NTNG1: variants seen among roughly 807,000 people sequenced by gnomAD.
The protein encoded by NTNG1 is netrin G1, also known as netrin-G1.
NTNG1 carries 16 observed loss-of-function variants against 54.0 expected under a neutral mutation model. The ratio of observed to expected loss-of-function variants is 0.30; its 90% confidence interval spans 0.20 to 0.45. The LOEUF (loss-of-function observed/expected upper bound fraction) is 0.45. NTNG1 is among the 20% of genes least tolerant of loss of function. NTNG1 has a pLI of 1.00. For synonymous variants in NTNG1, 255 were observed against 263.1 expected, an observed-to-expected ratio of 0.97 and a Z score of 0.30; for missense variants, 530 against 678.7, an observed-to-expected ratio of 0.78 and a Z score of 2.43.
chr1:107,359,334 A>G (rs534111709), intron 3 of NTNG1, among the ~76,000 whole-genome samples: 1 of 152,352 alleles, frequency 6.6e-6, no homozygotes, highest in South Asian at 2.1e-4. Flanking sequence ...GCAGAGAAAT[A>G]TAAATAGGAG....
At position 107,200,363 on chromosome 1, in the gene NTNG1, G is replaced by A. The variant is rs1450561839; in HGVS notation, c.246+51524G>A. ...ACAAAATAACATATTAGTGATACTT[G>A]GTAGCATATCAACTAATCATATGGT... On this transcript the variant is annotated intron_variant, in intron 2 of 7. Transcript: ENST00000370068. Among the ~76,000 whole-genome samples the A allele has an allele frequency of 2.6e-5, 4 of 151,718 alleles. No individual in the cohort carries two copies. In the East Asian group the frequency reaches 7.7e-4, roughly 29 times the overall value.
intron 7 of NTNG1, among the ~76,000 whole-genome samples, chr1:107,441,660 A>G (rs1368844818): frequency 6.6e-6 from 1 of 152,078 alleles, no homozygotes; most frequent in African/African-American, 2.4e-5. Context: ...TCACATCTAT[A>G]AAGTCTCTTT....
chr1:107,141,535 C>T (rs1157707569), intron 1 of NTNG1: 1 of 151,832 alleles, frequency 6.6e-6, no homozygotes, highest in East Asian at 1.9e-4. Context: ...GGTTTCCCCA[C>T]CCCCCGCCGC....
intron 1 of NTNG1, among the ~76,000 whole-genome samples, chr1:107,142,915 A>G (rs1261856443): frequency 6.6e-6 from 1 of 152,120 alleles, no homozygotes; most frequent in African/African-American, 2.4e-5. Context: ...CTCTTTGGCA[A>G]AGGAAAAGCA....
intron 2 of NTNG1, among the ~76,000 whole-genome samples, chr1:107,243,052 AGG>A (rs1661950388): frequency 6.6e-6 from 1 of 152,206 alleles, no homozygotes. Context: ...CAGAGCATCA[AGG>A]GGTTTGTTGA....
intron 2 of NTNG1, among the ~76,000 whole-genome samples, chr1:107,254,841 A>G (rs567655273): frequency 6.6e-6 from 1 of 152,320 alleles, no homozygotes; most frequent in East Asian, 1.9e-4. Context: ...GTGACTTTGA[A>G]TGCTTATGGC....
intron 7 of NTNG1, among the ~76,000 whole-genome samples, chr1:107,445,103 G>A (rs1317395677): frequency 2.0e-5 from 3 of 152,234 alleles, no homozygotes; most frequent in Non-Finnish European, 4.4e-5. Flanking sequence ...AGCCCCCAGC[G>A]GAACAGAATT....
rs150353082 is a variant in NTNG1 at position 107,148,626 on chromosome 1, C to T, written c.33C>T (p.Ala11=). MYLSRFLSIH[A]LWVTVSSVMQ... The stretch of plus-strand genomic sequence containing the variant: ...TGTCAAGATTCCTGTCGATTCATGC[C>T]CTTTGGGTTACGGTGTCCTCAGTGA... Residue 11 remains alanine (A), a synonymous_variant, in exon 2 of 8, where the codon GCC becomes GCT. Transcript: ENST00000370068. 6.2e-7 allele frequency: 1 copy of T among 1,613,068 alleles called. No homozygotes were observed. The highest frequency in any genetic ancestry group is 8.5e-7 in the Non-Finnish European group (1 of 1,179,216).
At chr1:107,461,173 C>A (rs1192387647) in intron 7 of NTNG1, among the ~76,000 whole-genome samples, 1 of 152,306 alleles carries the variant, frequency 6.6e-6, no homozygotes, top group African/African-American at 2.4e-5. Flanking sequence ...TCAAGGAGCT[C>A]ATACACTGGT....
intron 2 of NTNG1, among the ~76,000 whole-genome samples, chr1:107,258,929 A>T (rs1329997967): frequency 6.6e-6 from 1 of 152,226 alleles, no homozygotes; most frequent in African/African-American, 2.4e-5. Context: ...AAAAAGTAAG[A>T]TTAGAGAGAA....
At chr1:107,361,256 A>G (rs1171648340) in intron 3 of NTNG1, among the ~76,000 whole-genome samples, 1 of 113,126 alleles carries the variant, frequency 8.8e-6, no homozygotes, top group African/African-American at 3.3e-5. Context: ...TATATAAAAT[A>G]TATGTTATGT....
intron 4 of NTNG1, among the ~76,000 whole-genome samples, chr1:107,404,501 G>A (rs1196839073): frequency 6.6e-6 from 1 of 151,918 alleles, no homozygotes. Context: ...ACTTTATAGG[G>A]GATAAAATCA....
chr1:107,386,423 C>T (rs1397851191), intron 3 of NTNG1, among the ~76,000 whole-genome samples: 1 of 152,166 alleles, frequency 6.6e-6, no homozygotes, highest in East Asian at 1.9e-4. Flanking sequence ...ATCTGCCTGC[C>T]TCGGCCTCCC....
intron 6 of NTNG1, among the ~76,000 whole-genome samples, chr1:107,431,607 G>A (rs1033351014): frequency 1.3e-5 from 2 of 151,984 alleles, no homozygotes; most frequent in African/African-American, 4.8e-5. Flanking sequence ...TACTGCTCTT[G>A]GCACCTAGGG....
chr1:107,415,757 G>T (rs1035730002), intron 5 of NTNG1, among the ~76,000 whole-genome samples: 2 of 152,072 alleles, frequency 1.3e-5, no homozygotes, highest in African/African-American at 4.8e-5. Context: ...CCATTGCTGA[G>T]AATTTTTCTC....
chr1:107,471,461 T>C (rs375441514), intron 7 of NTNG1, among the ~76,000 whole-genome samples: 40 of 152,264 alleles, frequency 2.6e-4, no homozygotes, highest in African/African-American at 9.6e-4. Flanking sequence ...CCATCAACAT[T>C]GCAAAAGACA....
chr1:107,270,408 T>C (rs1039716492), intron 2 of NTNG1, among the ~76,000 whole-genome samples: 1 of 152,214 alleles, frequency 6.6e-6, no homozygotes, highest in Non-Finnish European at 1.5e-5. Context: ...CTCTTTGAAT[T>C]TTCATCTCAG....
chr1:107,311,507 C>G (rs975801774), intron 2 of NTNG1, among the ~76,000 whole-genome samples: 4 of 152,132 alleles, frequency 2.6e-5, no homozygotes, highest in African/African-American at 9.6e-5. Context: ...AATAGGCACT[C>G]TGTACTTGGA....
chr1:107,358,100 G>A (rs1379396925), intron 3 of NTNG1, among the ~76,000 whole-genome samples: 6 of 152,090 alleles, frequency 3.9e-5, no homozygotes, highest in African/African-American at 1.4e-4. Context: ...TAAACACTGT[G>A]AGAAAGTGTT....
Sources: gnomAD v4.1 joint callset for allele counts (sites outside exome capture counted in the v4.1 genomes callset) on GRCh38, gnomAD v4.1.1 for gene constraint, MANE v1.5 for transcripts, NCBI Gene and HGNC (gene_info 2026-07-23, HGNC 2026-07-21) for gene names.